SENP7: variants seen among roughly 807,000 people sequenced by gnomAD.
SENP7 encodes the protein SUMO specific peptidase 7.
In SENP7, 64 loss-of-function variants were observed where a neutral mutation model predicts 141.2. The ratio of observed to expected loss-of-function variants is 0.45; its 90% confidence interval spans 0.37 to 0.56. SENP7 has a LOEUF of 0.56. Ranked by LOEUF, SENP7 falls within the 20% of genes least tolerant of loss-of-function variation. SENP7 has a pLI of 0.00. For synonymous variants in SENP7, 382 were observed against 426.4 expected, an observed-to-expected ratio of 0.90 and a Z score of 1.28; for missense variants, 1,025 against 1,212.2, an observed-to-expected ratio of 0.85 and a Z score of 2.29.
chr3:101,334,962 T>C (rs978362802), intron 17 of SENP7, among the ~76,000 whole-genome samples: 2 of 152,198 alleles, frequency 1.3e-5, no homozygotes, highest in Non-Finnish European at 2.9e-5. Context: ...TCTCATATTT[T>C]GAGTTCCTAA....
chr3:101,366,770 C>G lies in SENP7; in HGVS notation c.979-1G>C. 1 of 1,568,178 alleles carries G rather than the reference C, an allele frequency of 6.4e-7. No homozygotes were observed. Among genetic ancestry groups the G allele is most frequent in the Non-Finnish European group, 8.7e-7 (1 of 1,155,866 alleles). ...TTGTTGAGTCATCTTCTTGTTTTTTCTAAACATAAACACATAGAAAAAAAT... is the reference window on the plus strand; with the variant it reads ...TTGTTGAGTCATCTTCTTGTTTTTTGTAAACATAAACACATAGAAAAAAAT... On this transcript the variant is annotated splice_acceptor_variant, in intron 8 of 23. Coordinates refer to ENST00000394095, the MANE Select transcript of SENP7 (RefSeq NM_020654.5). LOFTEE classifies it high-confidence loss of function.
chr3:101,397,440 T>A (rs1028753977), intron 6 of SENP7, among the ~76,000 whole-genome samples: 5 of 152,210 alleles, frequency 3.3e-5, no homozygotes, highest in Admixed American at 6.5e-5. Context: ...TACATAGGCA[T>A]GAGCCACTTG....
At chr3:101,404,606 C>G (rs2061245148) in intron 5 of SENP7, among the ~76,000 whole-genome samples, 1 of 152,022 alleles carries the variant, frequency 6.6e-6, no homozygotes, top group Non-Finnish European at 1.5e-5. Flanking sequence ...TTCTGCACAG[C>G]AAAAGAAACT....
chr3:101,396,050 G>A (rs1322090433), intron 6 of SENP7, among the ~76,000 whole-genome samples: 1 of 152,176 alleles, frequency 6.6e-6, no homozygotes, highest in Non-Finnish European at 1.5e-5. Flanking sequence ...AGGTAAGTCA[G>A]TGTATTAGCA....
intron 10 of SENP7, 110 bp from the exon 11 acceptor site, chr3:101,361,971 A>G (rs2059914304): frequency 1.6e-6 from 2 of 1,239,158 alleles, no homozygotes; most frequent in South Asian, 3.3e-5. Flanking sequence ...TGAATTTTTG[A>G]AGAACTTTAT....
chr3:101,504,825 C>T (rs1239889811), intron 1 of SENP7, among the ~76,000 whole-genome samples: 1 of 152,042 alleles, frequency 6.6e-6, no homozygotes, highest in East Asian at 1.9e-4. Flanking sequence ...TTGGGACCAG[C>T]CTGCACCACA....
intron 3 of SENP7, among the ~76,000 whole-genome samples, chr3:101,468,613 T>G (rs1042891732): frequency 6.6e-6 from 1 of 152,144 alleles, no homozygotes; most frequent in African/African-American, 2.4e-5. Context: ...AAACTAAGCT[T>G]CATAAGTGAA....
intron 3 of SENP7, among the ~76,000 whole-genome samples, chr3:101,481,731 C>CATGTATGCCATAA (rs1372157079): frequency 9.9e-5 from 15 of 152,282 alleles, no homozygotes; most frequent in African/African-American, 3.4e-4. Context: ...ACATTCTTCA[C>CATGTATGCCATAA]ATGTAACAAA....
chr3:101,357,305 TGCCTGGACACTGCACA>T, intron 11 of SENP7: 1 of 614,304 alleles, frequency 1.6e-6, no homozygotes, highest in South Asian at 1.7e-5. Flanking sequence ...GGAGTGGCAT[TGCCTGGACACTGCACA>T]GTGGAATTTA....
intron 4 of SENP7, among the ~76,000 whole-genome samples, chr3:101,441,987 T>A (rs190020121): frequency 2.0e-5 from 3 of 152,166 alleles, no homozygotes; most frequent in Non-Finnish European, 2.9e-5. Context: ...TACCACTGCA[T>A]CCACTCAGAA....
intron 23 of SENP7, 34 bp downstream of exon 23, chr3:101,327,632 T>C: frequency 1.9e-6 from 3 of 1,545,942 alleles, no homozygotes; most frequent in Non-Finnish European, 2.6e-6. Context: ...TGGTGGTAAC[T>C]GTGAATTAAA....
intron 4 of SENP7, among the ~76,000 whole-genome samples, chr3:101,445,162 C>T (rs2062841551): frequency 6.6e-6 from 1 of 151,982 alleles, no homozygotes; most frequent in Admixed American, 6.6e-5. Flanking sequence ...CTTTCTAGGC[C>T]AGGAGAGAAT....
chr3:101,447,638 T>C (rs1214133123), intron 4 of SENP7, among the ~76,000 whole-genome samples: 3 of 152,174 alleles, frequency 2.0e-5, no homozygotes, highest in Non-Finnish European at 2.9e-5. Flanking sequence ...GAACACAGTA[T>C]TGTTAAAATG....
intron 14 of SENP7, among the ~76,000 whole-genome samples, chr3:101,342,090 A>C (rs1388061996): frequency 1.3e-5 from 2 of 152,218 alleles, no homozygotes; most frequent in East Asian, 3.8e-4. Flanking sequence ...TAAAATTTAA[A>C]ATTAAGAGGC....
At chr3:101,432,566 C>T (rs1007675155) in intron 4 of SENP7, among the ~76,000 whole-genome samples, 10 of 152,196 alleles carry the variant, frequency 6.6e-5, no homozygotes, top group African/African-American at 2.4e-4. Context: ...GTCACTCCAC[C>T]CCCATCTTTA....
chr3:101,450,261 A>G (rs1396240418), intron 4 of SENP7, among the ~76,000 whole-genome samples: 1 of 152,138 alleles, frequency 6.6e-6, no homozygotes, highest in African/African-American at 2.4e-5. Flanking sequence ...CACAATAATA[A>G]TGGGAGACTT....
At chr3:101,495,005 T>C (rs555461957) in intron 2 of SENP7, among the ~76,000 whole-genome samples, 14 of 151,948 alleles carry the variant, frequency 9.2e-5, no homozygotes, top group Admixed American at 3.9e-4. Flanking sequence ...AACCTACAGA[T>C]TGGGAGAAAA....
At chr3:101,457,686 T>G (rs529957712) in intron 4 of SENP7, 1 of 1,310,994 alleles carries the variant, frequency 7.6e-7, no homozygotes, top group East Asian at 2.3e-5. Flanking sequence ...CACTTGTGCC[T>G]GCAGTTTGGC....
chr3:101,465,420 C>T (rs528334957), intron 3 of SENP7, among the ~76,000 whole-genome samples: 10 of 152,292 alleles, frequency 6.6e-5, no homozygotes, highest in Middle Eastern at 3.4e-3. Context: ...CCACCTAGCC[C>T]ACTGCCATTA....
Sources: gnomAD v4.1 joint callset for allele counts (sites outside exome capture counted in the v4.1 genomes callset) on GRCh38, gnomAD v4.1.1 for gene constraint, MANE v1.5 for transcripts, NCBI Gene and HGNC (gene_info 2026-07-23, HGNC 2026-07-21) for gene names.